The following HAS2 variants were observed in gnomAD, a reference collection of about 807,000 sequenced individuals.
The protein encoded by HAS2 is HA synthase 2.
Under a neutral mutation model 51.6 loss-of-function variants are expected in HAS2, and 16 were observed. The ratio of observed to expected loss-of-function variants is 0.31; its 90% CI spans 0.21 to 0.47. The LOEUF is 0.47. HAS2 is among the 20% of genes least tolerant of loss of function. The probability of loss-of-function intolerance (pLI) is 1.00; values close to 1 mark genes in which losing one functional copy is unlikely to be tolerated. For missense variants in HAS2, 361 were observed against 662.6 expected (o/e 0.54, Z 5.00); for synonymous variants, 228 against 235.5 (o/e 0.97, Z 0.29).
chr8:121,638,496 T>C (rs1813043179), intron 1 of HAS2, among the ~76,000 whole-genome samples: 2 of 152,186 alleles, frequency 1.3e-5, no homozygotes, highest in Admixed American at 6.5e-5. Flanking sequence ...TATATTTTTC[T>C]ATTTACCCGA....
chr8:121,624,409 G>C (rs1249252233), intron 2 of HAS2, among the ~76,000 whole-genome samples: 1 of 152,152 alleles, frequency 6.6e-6, no homozygotes, highest in Non-Finnish European at 1.5e-5. Context: ...CAAATTTTTT[G>C]CCACTGTGTG....
chr8:121,613,705 A>G lies in HAS2; in HGVS notation c.*404T>C, dbSNP rs1191610028. ...AAAAGAAAATCCTTCCTAAAAAAAAAAAATTATCATCTATCAAAACAGTCC... is the reference window on the plus strand; with the variant it reads ...AAAAGAAAATCCTTCCTAAAAAAAAGAAATTATCATCTATCAAAACAGTCC... On this transcript the variant is annotated 3_prime_UTR_variant, in exon 4 of 4. Transcript: ENST00000303924. 1 of 165,436 alleles carries G rather than the reference A, an allele frequency of 6.0e-6. No homozygotes were observed. The highest frequency in any genetic ancestry group is 1.3e-5 in the Non-Finnish European group (1 of 75,368). The allele number at this position is 165,436 out of a possible 1,614,324, so 10.2% of individuals were successfully genotyped here.
intron 1 of HAS2, among the ~76,000 whole-genome samples, chr8:121,631,356 T>A (rs533678102): frequency 1.3e-5 from 2 of 152,332 alleles, no homozygotes; most frequent in Admixed American, 1.3e-4. Context: ...GTCTCTTTTT[T>A]ATTGTTGTTA....
chr8:121,634,933 G>A (rs976589040), intron 1 of HAS2, among the ~76,000 whole-genome samples: 1 of 152,024 alleles, frequency 6.6e-6, no homozygotes, highest in Non-Finnish European at 1.5e-5. Flanking sequence ...ATGAGCTCAG[G>A]GTTCAAGTTT....
At chr8:121,639,714 C>T (rs914681326) in intron 1 of HAS2, 1 of 152,444 alleles carries the variant, frequency 6.6e-6, no homozygotes, top group African/African-American at 2.4e-5. Context: ...CCGGTTCTCA[C>T]CCTCATACAG....
chr8:121,621,012 T>C (rs988138724), intron 2 of HAS2, among the ~76,000 whole-genome samples: 1 of 152,166 alleles, frequency 6.6e-6, no homozygotes, highest in Non-Finnish European at 1.5e-5. Flanking sequence ...TTACTTACTA[T>C]TTATGGCTGC....
chr8:121,635,306 T>C (rs1163198737), intron 1 of HAS2, among the ~76,000 whole-genome samples: 1 of 152,196 alleles, frequency 6.6e-6, no homozygotes, highest in African/African-American at 2.4e-5. Flanking sequence ...GAGCTAATCA[T>C]ATTGACTCAT....
chr8:121,620,047 T>C (rs1812754039), intron 2 of HAS2, among the ~76,000 whole-genome samples: 1 of 152,208 alleles, frequency 6.6e-6, no homozygotes, highest in African/African-American at 2.4e-5. Flanking sequence ...CCAGAAGTTC[T>C]CTGAGAGAGA....
At chr8:121,633,207 G>A (rs368170076) in intron 1 of HAS2, among the ~76,000 whole-genome samples, 36 of 149,168 alleles carry the variant, frequency 2.4e-4, no homozygotes, top group Middle Eastern at 3.4e-3. Context: ...GTGCAGTGGT[G>A]CAGTCTTGGC....
chr8:121,636,254 AT>A lies in HAS2; in HGVS notation c.-1+4598del, dbSNP rs1813006740. ...ACATTGATACCCATCCCTGATGTGTATTCCCTCTGCTACTGTCCCTACGTAG... is the reference window on the plus strand; with the variant it reads ...ACATTGATACCCATCCCTGATGTGTATCCCTCTGCTACTGTCCCTACGTAG... On this transcript the variant is annotated intron_variant, in intron 1 of 3. Transcript: ENST00000303924. Among the ~76,000 whole-genome samples the A allele has an allele frequency of 3.3e-5, 5 of 152,282 alleles. No individual in the cohort carries two copies. In the South Asian group the frequency reaches 1.0e-3, roughly 32 times the overall value.
chr8:121,626,611 T>C (rs1262680383), intron 2 of HAS2, among the ~76,000 whole-genome samples: 1 of 152,204 alleles, frequency 6.6e-6, no homozygotes, highest in African/African-American at 2.4e-5. Context: ...TTTCCCTTAG[T>C]TGTCTTTCTG....
rs1049210453 is a variant in HAS2, at chr8:121,614,040, C to T, written c.*69G>A. On this transcript the variant is annotated 3_prime_UTR_variant, in exon 4 of 4. Coordinates refer to ENST00000303924, the MANE Select transcript of HAS2 (RefSeq NM_005328.3). This position sits in a 1 kb window ranked among gnomAD's most constrained non-coding sequence, Gnocchi z 7.2. ...CTCCTTTGGTGGCATTATCTGATGC[C>T]ACAATACTGTACAGCCCCTAGAGGA... 1 of 1,610,138 alleles carries T rather than the reference C, an allele frequency of 6.2e-7. No homozygotes were observed. Among genetic ancestry groups the T allele is most frequent in the Non-Finnish European group, 8.5e-7 (1 of 1,179,598 alleles).
chr8:121,628,268 G>A (rs1489190636), intron 2 of HAS2, among the ~76,000 whole-genome samples: 1 of 150,834 alleles, frequency 6.6e-6, no homozygotes, highest in East Asian at 1.9e-4. Context: ...TCATTTTGCA[G>A]TCTCTGTGAA....
chr8:121,628,662 A>T (rs1172246246), intron 2 of HAS2, 52 bp downstream of exon 2: 2 of 1,548,358 alleles, frequency 1.3e-6, no homozygotes, highest in East Asian at 4.5e-5. Flanking sequence ...ACAGATACAA[A>T]AGCGGCTTTA....
Position 121,614,214 on chromosome 8 carries a change from G to A in HAS2, c.1554C>T (p.Leu518=). The part of the protein sequence containing the change: ...KQTVLIVGTL[L]YACYWVMLLT... ...AAAGCATGACCCAATAGCATGCATA[G>A]AGCAACGTTCCAACAATTAGAACTG... Residue 518 remains leucine (L), a synonymous_variant, in exon 4 of 4, where the codon CTC becomes CTT. Transcript: ENST00000303924. The surrounding 1 kb of genome is among the most constrained non-coding windows in gnomAD (Gnocchi z 7.2). The A allele has an allele frequency of 6.2e-7, 1 of 1,614,060 alleles. No individual in the cohort carries two copies.
intron 2 of HAS2, among the ~76,000 whole-genome samples, chr8:121,624,045 T>A (rs1222402835): frequency 6.6e-6 from 1 of 152,234 alleles, no homozygotes; most frequent in African/African-American, 2.4e-5. Context: ...CCACAACATT[T>A]TGACAACATA....
intron 2 of HAS2, among the ~76,000 whole-genome samples, chr8:121,624,153 C>T (rs1327408125): frequency 6.6e-6 from 1 of 152,180 alleles, no homozygotes; most frequent in African/African-American, 2.4e-5. Context: ...AGCACGATAT[C>T]TCATGCCTAA....
intron 2 of HAS2, among the ~76,000 whole-genome samples, chr8:121,619,077 T>C (rs191133499): frequency 6.6e-6 from 1 of 152,084 alleles, no homozygotes; most frequent in Admixed American, 6.5e-5. Context: ...AATCCCAACA[T>C]TTTTAAAAGC....
In HAS2 at chr8:121,612,679, T is replaced by C. The variant is rs1308700956; in HGVS notation, c.*1430A>G. On this transcript the variant is annotated 3_prime_UTR_variant, in exon 4 of 4. Transcript: ENST00000303924. ...AATTAGCCAAGTTCAGAGTATGTGG[T>C]TCAACAATTTTTATATGTGCCAATC... 6.6e-6 allele frequency: 1 copy of C among 152,142 alleles called. No individual in the cohort carries two copies. The highest frequency in any genetic ancestry group is 6.6e-5 in the Admixed American group (1 of 15,266). The allele number at this position is 152,142 out of a possible 1,614,324, so 9.4% of individuals were successfully genotyped here. A position where few individuals can be genotyped will look rare whatever the true frequency, so the allele number is the denominator to read the frequency against.
Sources: gnomAD v4.1 joint callset for allele counts (sites outside exome capture counted in the v4.1 genomes callset) on GRCh38, gnomAD v4.1.1 for gene constraint, Gnocchi (gnomAD v3.1) non-coding constraint, MANE v1.5 for transcripts, NCBI Gene and HGNC (gene_info 2026-07-23, HGNC 2026-07-21) for gene names.